CEMIP: variants seen among roughly 807,000 people sequenced by gnomAD.
CEMIP encodes cell migration inducing hyaluronidase 1.
Under a neutral mutation model 156.9 loss-of-function variants are expected in CEMIP, and 105 were observed. The observed-to-expected ratio is 0.67, with a 90% CI of 0.57 to 0.79. The LOEUF (loss-of-function observed/expected upper bound fraction) is 0.79, where lower values mean the gene tolerates loss of function less well. Among genes scored for constraint, CEMIP ranks in the 30% least tolerant of loss-of-function variants. CEMIP has a pLI of 0.00. For missense variants in CEMIP, 1,457 were observed against 1,769.4 expected, an observed-to-expected ratio of 0.82 and a Z score of 3.17; for synonymous variants, 676 against 668.4, an observed-to-expected ratio of 1.01 and a Z score of -0.17.
At chr15:80,798,428 T>A (rs1403020553) in intron 1 of CEMIP, among the ~76,000 whole-genome samples, 1 of 152,192 alleles carries the variant, frequency 6.6e-6, no homozygotes, top group Non-Finnish European at 1.5e-5. Context: ...TTCCATAGAA[T>A]GATTTCTAGA....
chr15:80,934,683 G>A (rs1901049048), intron 23 of CEMIP, among the ~76,000 whole-genome samples: 1 of 152,174 alleles, frequency 6.6e-6, no homozygotes, highest in Non-Finnish European at 1.5e-5. Context: ...AGGAGTGATA[G>A]GAGAGGGAGA....
chr15:80,857,876 G>T (rs80200469), intron 1 of CEMIP, among the ~76,000 whole-genome samples: 18,128 of 152,232 alleles, frequency 0.12, 1,222 homozygotes, highest in South Asian at 0.18. Flanking sequence ...GGTAGGAAAA[G>T]CATCTGTAAG....
At chr15:80,795,536 G>A (rs953443983) in intron 1 of CEMIP, among the ~76,000 whole-genome samples, 1 of 152,126 alleles carries the variant, frequency 6.6e-6, no homozygotes, top group Non-Finnish European at 1.5e-5. Flanking sequence ...CATCTAGGTG[G>A]ATGTTAGGAA....
intron 1 of CEMIP, among the ~76,000 whole-genome samples, chr15:80,853,465 A>G (rs1342514646): frequency 6.6e-6 from 1 of 152,174 alleles, no homozygotes; most frequent in East Asian, 1.9e-4. Flanking sequence ...TAGGAGGTCC[A>G]TTTTGTGAAA....
intron 8 of CEMIP, 134 bp from the exon 9 acceptor site, chr15:80,888,567 T>C (rs950694464): frequency 2.9e-6 from 2 of 698,592 alleles, no homozygotes; most frequent in African/African-American, 3.6e-5. Context: ...TAATTTTCTT[T>C]TATTTACTTA....
chr15:80,829,384 T>A (rs1196960587), intron 1 of CEMIP, among the ~76,000 whole-genome samples: 1 of 152,224 alleles, frequency 6.6e-6, no homozygotes, highest in Non-Finnish European at 1.5e-5. Flanking sequence ...TGCCTGCCTC[T>A]GCCACCCTTA....
chr15:80,870,279 A>T (rs1034959398), intron 1 of CEMIP, among the ~76,000 whole-genome samples: 1 of 152,178 alleles, frequency 6.6e-6, no homozygotes, highest in Non-Finnish European at 1.5e-5. Flanking sequence ...GTCTTATCCC[A>T]GGAACTTCCA....
intron 10 of CEMIP, among the ~76,000 whole-genome samples, chr15:80,890,512 A>G (rs1411579450): frequency 6.6e-6 from 1 of 151,338 alleles, no homozygotes; most frequent in Non-Finnish European, 1.5e-5. Context: ...TTGCGTAAAC[A>G]GGAGGTGGAG....
At chr15:80,854,315 C>A (rs1193715202) in intron 1 of CEMIP, among the ~76,000 whole-genome samples, 1 of 152,276 alleles carries the variant, frequency 6.6e-6, no homozygotes, top group Non-Finnish European at 1.5e-5. Context: ...GGGGGCTCTT[C>A]TCCCTGCCTG....
intron 28 of CEMIP, among the ~76,000 whole-genome samples, chr15:80,944,066 T>A (rs1415370796): frequency 1.3e-5 from 2 of 151,978 alleles, no homozygotes; most frequent in African/African-American, 4.8e-5. Context: ...GATCATGAGG[T>A]CAGGAGTTTG....
chr15:80,928,194 C>T lies in CEMIP; in HGVS notation c.2421-708C>T, dbSNP rs562236634. ...ACCCCTGGGACACAGGAAGTGAAGGCGGCCACTGTATTTGGCCCTAGGGTC... is the reference window on the plus strand; with the variant it reads ...ACCCCTGGGACACAGGAAGTGAAGGTGGCCACTGTATTTGGCCCTAGGGTC... On this transcript the variant is annotated intron_variant, in intron 19 of 29. Transcript: ENST00000394685. Among the ~76,000 whole-genome samples, 8 of 152,206 alleles carry T rather than the reference C, an allele frequency of 5.3e-5. No individual in the cohort carries two copies. In the South Asian group the frequency reaches 1.2e-3, roughly 24 times the overall value.
intron 1 of CEMIP, among the ~76,000 whole-genome samples, chr15:80,814,897 A>C (rs762116570): frequency 1.4e-3 from 212 of 152,032 alleles, no homozygotes; most frequent in Non-Finnish European, 2.4e-3. Flanking sequence ...TTTCTTGGCC[A>C]GCTGGTCTCG....
chr15:80,825,660 TGA>T (rs1327030892), intron 1 of CEMIP, among the ~76,000 whole-genome samples: 1 of 152,114 alleles, frequency 6.6e-6, no homozygotes, highest in African/African-American at 2.4e-5. Flanking sequence ...AGAACAAAAG[TGA>T]GAGAGGCAAA....
At chr15:80,938,931 A>G (rs1346605333) in intron 25 of CEMIP, among the ~76,000 whole-genome samples, 1 of 152,246 alleles carries the variant, frequency 6.6e-6, no homozygotes, top group African/African-American at 2.4e-5. Flanking sequence ...TCAATGATAA[A>G]GAAACTGATA....
Position 80,895,086 on chromosome 15 carries a change from CG to C in CEMIP, c.1185del (p.Ser396AlafsTer12). ...FACYDRGRAC[R>X]SYRVRFLCGK... ...TTGCTACGACCGGGGCAGAGCCTGC[CG>C]GAGCTACCGTGTACGGTTCCTCTGT... On this transcript the variant is annotated frameshift_variant, in exon 11 of 30. Transcript: ENST00000394685. LOFTEE classifies it high-confidence loss of function. 3 of 1,614,210 alleles carry C rather than the reference CG, an allele frequency of 1.9e-6. No homozygotes were observed. The highest frequency in any genetic ancestry group is 2.5e-6 in the Non-Finnish European group (3 of 1,180,034).
chr15:80,914,473 A>C (rs1384825617), intron 14 of CEMIP, among the ~76,000 whole-genome samples: 5 of 152,148 alleles, frequency 3.3e-5, no homozygotes, highest in Admixed American at 6.5e-5. Flanking sequence ...TGTGCCCTGC[A>C]CTGCTCCAGG....
chr15:80,832,207 G>A (rs1156800909), intron 1 of CEMIP, among the ~76,000 whole-genome samples: 2 of 152,174 alleles, frequency 1.3e-5, no homozygotes, highest in Non-Finnish European at 2.9e-5. Flanking sequence ...CAGTGGGTGT[G>A]AATTTATATT....
Position 80,906,131 on chromosome 15 carries a change from T to A in CEMIP, c.1412-532T>A, listed in dbSNP as rs1255648536. 6.6e-6 allele frequency among the ~76,000 whole-genome samples: 1 copy of A among 152,260 alleles called. No homozygotes were observed. The highest frequency in any genetic ancestry group is 6.5e-5 in the Admixed American group (1 of 15,290). On this transcript the variant is annotated intron_variant, in intron 12 of 29. Coordinates refer to ENST00000394685, the MANE Select transcript of CEMIP (RefSeq NM_001293298.2). This position sits in a 1 kb window ranked among gnomAD's most constrained non-coding sequence, Gnocchi z 4.3. ...TTAAAGACAGAGGGGTTCTGTTTTA[T>A]CTTCCTAAGATCGGCAATCTACGGT...
chr15:80,806,146 G>C (rs1308386117), intron 1 of CEMIP, among the ~76,000 whole-genome samples: 1 of 152,218 alleles, frequency 6.6e-6, no homozygotes, highest in Non-Finnish European at 1.5e-5. Context: ...TTATTGGGGA[G>C]GCTGGCATGC....
Sources: gnomAD v4.1 joint callset for allele counts (sites outside exome capture counted in the v4.1 genomes callset) on GRCh38, gnomAD v4.1.1 for gene constraint, Gnocchi (gnomAD v3.1) non-coding constraint, MANE v1.5 for transcripts, NCBI Gene and HGNC (gene_info 2026-07-23, HGNC 2026-07-21) for gene names.